The following SP100 variants were observed in gnomAD, a reference collection of about 807,000 sequenced individuals.
The protein encoded by SP100 is nuclear autoantigen Sp-100.
SP100 carries 84 observed loss-of-function variants against 130.0 expected under a neutral mutation model. The observed-to-expected ratio is 0.65, with a 90% CI of 0.54 to 0.77. The LOEUF is 0.77. Ranked by LOEUF, SP100 falls within the 30% of genes least tolerant of loss-of-function variation. The pLI is 0.00. For missense variants in SP100, 978 were observed against 1,052.2 expected (o/e 0.93, Z 0.97); for synonymous variants, 331 against 351.7 (o/e 0.94, Z 0.66).
rs1575686868 is a variant in SP100 at position 230,473,259 on chromosome 2, G to T, written c.1430-65G>T. ...TGGGGAGTGGGCAGTCACTAATGTTGGGGGGAAGGAGAATCTTTGAAGGGG... is the reference window on the plus strand; with the variant it reads ...TGGGGAGTGGGCAGTCACTAATGTTTGGGGGAAGGAGAATCTTTGAAGGGG... On this transcript the variant is annotated intron_variant, in intron 15 of 28. Coordinates refer to ENST00000340126, the MANE Select transcript of SP100 (RefSeq NM_001080391.2). 7.4e-6 allele frequency: 8 copies of T among 1,085,278 alleles called. No homozygotes were observed. The East Asian group carries it at 1.9e-4, about 26-fold the overall frequency. 67.2% of individuals were successfully genotyped at this position (1,085,278 alleles called of 1,614,324 possible). A position where few individuals can be genotyped will look rare whatever the true frequency, so the allele number is the denominator to read the frequency against.
chr2:230,504,033 C>A (rs1335592407), intron 20 of SP100, among the ~76,000 whole-genome samples, 153 bp from the exon 21 acceptor site: 1 of 151,854 alleles, frequency 6.6e-6, no homozygotes, highest in Non-Finnish European at 1.5e-5. Context: ...ATCTAATGTG[C>A]CATGAAAGAA....
At chr2:230,438,058 T>TCTTGC (rs2063348219) in intron 2 of SP100, among the ~76,000 whole-genome samples, 1 of 152,218 alleles carries the variant, frequency 6.6e-6, no homozygotes, top group Non-Finnish European at 1.5e-5. Context: ...TTGCTTTTTG[T>TCTTGC]TTTATTTACA....
At chr2:230,426,641 G>T (rs2062941244) in intron 2 of SP100, among the ~76,000 whole-genome samples, 1 of 152,118 alleles carries the variant, frequency 6.6e-6, no homozygotes, top group Non-Finnish European at 1.5e-5. Flanking sequence ...TCTTGAATTT[G>T]TTAAGACTTC....
chr2:230,439,067 G>A (rs567473736), intron 2 of SP100, among the ~76,000 whole-genome samples: 5 of 152,094 alleles, frequency 3.3e-5, no homozygotes, highest in Admixed American at 6.6e-5. Context: ...AGGTGGTATC[G>A]CATTGTGGTT....
intron 24 of SP100, among the ~76,000 whole-genome samples, chr2:230,523,380 G>T (rs1488559179): frequency 6.6e-6 from 1 of 152,146 alleles, no homozygotes; most frequent in Admixed American, 6.5e-5. Flanking sequence ...TTTTAAAAAA[G>T]TGCTGGCCAG....
intron 27 of SP100, 89 bp downstream of exon 27, chr2:230,541,461 C>T (rs1355873112): frequency 8.8e-7 from 1 of 1,134,030 alleles, no homozygotes; most frequent in African/African-American, 1.6e-5. Flanking sequence ...TTCTATTTGG[C>T]TTGTTGATGA....
intron 17 of SP100, among the ~76,000 whole-genome samples, chr2:230,482,824 G>T (rs1329046148): frequency 6.6e-6 from 1 of 152,076 alleles, no homozygotes; most frequent in African/African-American, 2.4e-5. Context: ...ATCAGGTAGG[G>T]TAAGTTCTCT....
In SP100 at chr2:230,482,279, G is replaced by A. The variant is rs568980646; in HGVS notation, c.1600+7832G>A. Among the ~76,000 whole-genome samples, 5 of 152,214 alleles carry A rather than the reference G, an allele frequency of 3.3e-5. No individual in the cohort carries two copies. In the South Asian group the frequency reaches 1.0e-3, roughly 32 times the overall value. On this transcript the variant is annotated intron_variant, in intron 17 of 28. Coordinates refer to ENST00000340126, the MANE Select transcript of SP100 (RefSeq NM_001080391.2). ...ATCTTGACCAATAAAGTCAGATCCA[G>A]TGAATAAATACTCTCGCTTCCATTC...
At chr2:230,446,045 T>G (rs1246761237) in intron 4 of SP100, among the ~76,000 whole-genome samples, 2 of 152,214 alleles carry the variant, frequency 1.3e-5, no homozygotes, top group Non-Finnish European at 2.9e-5. Context: ...CTGACCCAAT[T>G]AAGACAACAT....
intron 1 of SP100, among the ~76,000 whole-genome samples, chr2:230,417,298 T>A (rs888788357): frequency 6.6e-6 from 1 of 152,226 alleles, no homozygotes; most frequent in African/African-American, 2.4e-5. Context: ...ATTTTAATAG[T>A]GGAAAACTTA....
At chr2:230,518,822 T>C (rs140305533) in intron 24 of SP100, among the ~76,000 whole-genome samples, 6 of 152,296 alleles carry the variant, frequency 3.9e-5, no homozygotes, top group East Asian at 1.9e-4. Flanking sequence ...ACTTAGAAGA[T>C]AGTTGTTTTA....
intron 20 of SP100, 92 bp downstream of exon 20, chr2:230,503,202 C>A: frequency 2.2e-6 from 2 of 901,590 alleles, no homozygotes; most frequent in Non-Finnish European, 3.4e-6. Context: ...TCTTAATTGG[C>A]ATATGGAGCT....
chr2:230,458,577 T>A lies in SP100; in HGVS notation c.821-2685T>A, dbSNP rs553206927. On this transcript the variant is annotated intron_variant, in intron 8 of 28. Coordinates refer to ENST00000340126, the MANE Select transcript of SP100 (RefSeq NM_001080391.2). Reference sequence around the variant, plus strand: ...ATTGTCATGTTGTGGAGTTGTTGAATAGAAATATGTTGCAAGTTACTTTTC... The same window carrying A: ...ATTGTCATGTTGTGGAGTTGTTGAAAAGAAATATGTTGCAAGTTACTTTTC... Among the ~76,000 whole-genome samples the A allele has an allele frequency of 1.5e-4, 23 of 152,300 alleles. No individual in the cohort carries two copies. In the South Asian group the frequency reaches 4.8e-3, roughly 32 times the overall value.
rs1319989289 is a variant in SP100, at chr2:230,440,494, A to G, written c.108-2443A>G. 19 of 1,269,014 alleles carry G rather than the reference A, an allele frequency of 1.5e-5. No homozygotes were observed. The Admixed American group carries it at 5.1e-4, about 34-fold the overall frequency. The allele number at this position is 1,269,014 out of a possible 1,614,324, so 78.6% of individuals were successfully genotyped here. A position where few individuals can be genotyped will look rare whatever the true frequency, so the allele number is the denominator to read the frequency against. On this transcript the variant is annotated intron_variant, in intron 2 of 28. Coordinates refer to ENST00000340126, the MANE Select transcript of SP100 (RefSeq NM_001080391.2). ...TCAATAGGTTTTTGGAGAGGAATAA[A>G]TTTAATGAAAGATGTACATGACTTC... is the stretch of plus-strand genomic sequence containing the variant.
At chr2:230,532,875 G>A (rs1691767724) in intron 24 of SP100, among the ~76,000 whole-genome samples, 1 of 152,166 alleles carries the variant, frequency 6.6e-6, no homozygotes, top group Non-Finnish European at 1.5e-5. Context: ...CTGCCTCCTG[G>A]GTTCAAGCAA....
At chr2:230,532,273 T>C (rs1184102762) in intron 24 of SP100, among the ~76,000 whole-genome samples, 1 of 152,126 alleles carries the variant, frequency 6.6e-6, no homozygotes, top group Non-Finnish European at 1.5e-5. Context: ...ACTTTTTTAT[T>C]TTGTTATTTG....
At chr2:230,458,955 C>T (rs759367280) in intron 8 of SP100, among the ~76,000 whole-genome samples, 7 of 152,052 alleles carry the variant, frequency 4.6e-5, no homozygotes, top group African/African-American at 7.2e-5. Context: ...GGACAACAGG[C>T]CTGGCACGAG....
chr2:230,521,413 C>T (rs1272675299), intron 24 of SP100, among the ~76,000 whole-genome samples: 3 of 152,278 alleles, frequency 2.0e-5, no homozygotes, highest in Admixed American at 1.3e-4. Context: ...AACTGACCCC[C>T]GGTGCCTGCC....
rs557821133 is a variant in SP100, at chr2:230,522,116, G to A, written c.2094+10950G>A. On this transcript the variant is annotated intron_variant, in intron 24 of 28. Coordinates refer to ENST00000340126, the MANE Select transcript of SP100 (RefSeq NM_001080391.2). ...GTGGGATTGGCTCCTATCGATTTGG[G>A]AAATTCCAAAGGAATTTCTGTTTGC... is the stretch of plus-strand genomic sequence containing the variant. Among the ~76,000 whole-genome samples, 49 of 152,084 alleles carry A rather than the reference G, an allele frequency of 3.2e-4. 1 individual carries two copies. Among genetic ancestry groups the A allele is most frequent in the Admixed American group, 1.0e-3 (16 of 15,260 alleles).
Sources: allele counts gnomAD v4.1 joint callset (sites outside exome capture counted in the v4.1 genomes callset), GRCh38; gene constraint gnomAD v4.1.1; transcripts MANE v1.5; gene names NCBI Gene and HGNC (gene_info 2026-07-23, HGNC 2026-07-21).